The following SDK1 variants were observed in gnomAD, a reference collection of about 807,000 sequenced individuals.
SDK1 encodes the protein protein sidekick-1.
A neutral mutation model predicts 245.5 loss-of-function variants in SDK1; 157 were observed. The observed-to-expected ratio is 0.64, with a 90% CI of 0.56 to 0.73. The LOEUF is 0.73. Ranked by LOEUF, SDK1 falls within the 30% of genes least tolerant of loss-of-function variation. The pLI, the probability that SDK1 is intolerant of heterozygous loss-of-function variation, is 0.00. For missense variants in SDK1, 3,583 were observed against 3,002.3 expected (o/e 1.19, Z -4.52); for synonymous variants, 1,647 against 1,278.5 (o/e 1.29, Z -6.15).
intron 1 of SDK1, among the ~76,000 whole-genome samples, chr7:3,555,111 C>G (rs1269397611): frequency 6.6e-6 from 1 of 151,900 alleles, no homozygotes; most frequent in Non-Finnish European, 1.5e-5. Context: ...CACAAAAAGC[C>G]AAGAATAGAC....
intron 5 of SDK1, among the ~76,000 whole-genome samples, chr7:3,922,576 T>G (rs1779630959): frequency 1.3e-5 from 2 of 152,226 alleles, no homozygotes; most frequent in Admixed American, 1.3e-4. Flanking sequence ...ATTCCGTAGA[T>G]GTTACTTCAT....
chr7:3,893,734 C>T (rs569467170), intron 5 of SDK1, among the ~76,000 whole-genome samples: 1 of 151,466 alleles, frequency 6.6e-6, no homozygotes, highest in Non-Finnish European at 1.5e-5. Context: ...TCAGGATCTG[C>T]CCAGGGTCCC....
chr7:3,653,260 C>T (rs1490310177), intron 4 of SDK1, among the ~76,000 whole-genome samples: 1 of 152,196 alleles, frequency 6.6e-6, no homozygotes, highest in African/African-American at 2.4e-5. Flanking sequence ...ACCCCTCCTT[C>T]CTCTGTGCTT....
chr7:3,702,369 A>C (rs1784764878), intron 4 of SDK1, among the ~76,000 whole-genome samples: 1 of 152,214 alleles, frequency 6.6e-6, no homozygotes, highest in African/African-American at 2.4e-5. Flanking sequence ...TCTTTTTAAA[A>C]AGCAACTGTG....
intron 19 of SDK1, among the ~76,000 whole-genome samples, chr7:4,061,119 A>G (rs997348047): frequency 9.2e-5 from 14 of 152,180 alleles, no homozygotes; most frequent in Admixed American, 9.2e-4. Context: ...TGACTTGGCA[A>G]TGTGGGCTCT....
chr7:3,614,212 A>G (rs1222847846), intron 1 of SDK1, among the ~76,000 whole-genome samples: 1 of 152,228 alleles, frequency 6.6e-6, no homozygotes, highest in African/African-American at 2.4e-5. Context: ...TTATCCACAC[A>G]GATGAGACTC....
chr7:3,849,183 A>C (rs1780356937), intron 5 of SDK1, among the ~76,000 whole-genome samples: 2 of 152,100 alleles, frequency 1.3e-5, no homozygotes, highest in Admixed American at 1.3e-4. Context: ...CTGTTCTTGA[A>C]CAAATCCCCT....
At chr7:3,578,675 G>T (rs889155215) in intron 1 of SDK1, among the ~76,000 whole-genome samples, 1 of 151,802 alleles carries the variant, frequency 6.6e-6, no homozygotes, top group African/African-American at 2.4e-5. Flanking sequence ...GCTAGGAAAA[G>T]AATTTAGCAA....
At chr7:3,569,764 A>AT (rs1780049467) in intron 1 of SDK1, among the ~76,000 whole-genome samples, 1 of 152,186 alleles carries the variant, frequency 6.6e-6, no homozygotes, top group Admixed American at 6.5e-5. Context: ...TTGAATATTT[A>AT]TTGAGTGCTA....
intron 1 of SDK1, among the ~76,000 whole-genome samples, chr7:3,498,580 A>G (rs1259038362): frequency 6.6e-6 from 1 of 152,240 alleles, no homozygotes; most frequent in South Asian, 2.1e-4. Flanking sequence ...ATTGATAGCT[A>G]TTACTTCTTC....
At chr7:3,482,968 C>A (rs1216144037) in intron 1 of SDK1, among the ~76,000 whole-genome samples, 1 of 151,412 alleles carries the variant, frequency 6.6e-6, no homozygotes, top group African/African-American at 2.5e-5. Flanking sequence ...CTTTTTAATT[C>A]TCTCCTATTA....
At chr7:4,068,345 G>A (rs1304328256) in intron 20 of SDK1, among the ~76,000 whole-genome samples, 1 of 152,192 alleles carries the variant, frequency 6.6e-6, no homozygotes, top group Non-Finnish European at 1.5e-5. Context: ...GCCCCGAGAG[G>A]GTGGGTGACC....
At chr7:3,440,623 T>A (rs1780167601) in intron 1 of SDK1, among the ~76,000 whole-genome samples, 1 of 152,192 alleles carries the variant, frequency 6.6e-6, no homozygotes, top group African/African-American at 2.4e-5. Context: ...GCAATTAGGA[T>A]GTGCCAGAGA....
intron 19 of SDK1, among the ~76,000 whole-genome samples, chr7:4,067,238 C>G (rs1779965247): frequency 3.3e-5 from 5 of 152,246 alleles, no homozygotes; most frequent in Non-Finnish European, 4.4e-5. Flanking sequence ...CTCTGCGGCT[C>G]TGCCTGCCCG....
intron 5 of SDK1, among the ~76,000 whole-genome samples, chr7:3,901,834 C>G (rs866771406): frequency 6.6e-6 from 1 of 152,114 alleles, no homozygotes; most frequent in Admixed American, 6.5e-5. Flanking sequence ...ATTTCCATTC[C>G]TTTTTTTAGG....
chr7:3,492,743 G>T (rs1157178859), intron 1 of SDK1, among the ~76,000 whole-genome samples: 1 of 152,074 alleles, frequency 6.6e-6, no homozygotes. Context: ...TGTAATTATT[G>T]AACAAAGTCC....
At chr7:3,799,284 A>G (rs1213408719) in intron 4 of SDK1, among the ~76,000 whole-genome samples, 1 of 152,114 alleles carries the variant, frequency 6.6e-6, no homozygotes. Flanking sequence ...TAGTATCTTT[A>G]GGATCCAGTA....
chr7:4,051,152 ATACATATAGTATATATG>A lies in SDK1; in HGVS notation c.2719-483_2719-467del, dbSNP rs1209503182. Among the ~76,000 whole-genome samples, 49 of 139,994 alleles carry A rather than the reference ATACATATAGTATATATG, an allele frequency of 3.5e-4. 1 individual carries two copies. The South Asian group carries it at 0.011, about 30-fold the overall frequency. 91.8% of individuals were successfully genotyped at this position (139,994 alleles called of 152,430 possible). On this transcript the variant is annotated intron_variant, in intron 18 of 44. Transcript: ENST00000404826. The stretch of plus-strand genomic sequence containing the variant: ...ATTATATATAATATATGTATAATAT[ATACATATAGTATATATG>A]TATATATTATACATTATATATGTGT...
In SDK1 at chr7:3,899,043, C is replaced by T. The variant is rs146918551; in HGVS notation, c.848-51880C>T. 1.3e-4 allele frequency among the ~76,000 whole-genome samples: 20 copies of T among 152,216 alleles called. No individual in the cohort carries two copies. In the East Asian group the frequency reaches 3.9e-3, roughly 29 times the overall value. On this transcript the variant is annotated intron_variant, in intron 5 of 44. Transcript: ENST00000404826. Reference sequence around the variant, plus strand: ...TTATCGTATCAGCTCAATTTTAGGCCTCCTTTTGGTTTCCATTTAAGTCAT... The same window carrying T: ...TTATCGTATCAGCTCAATTTTAGGCTTCCTTTTGGTTTCCATTTAAGTCAT...
Sources: gnomAD v4.1 joint callset for allele counts (sites outside exome capture counted in the v4.1 genomes callset) on GRCh38, gnomAD v4.1.1 for gene constraint, MANE v1.5 for transcripts, NCBI Gene and HGNC (gene_info 2026-07-23, HGNC 2026-07-21) for gene names.